VSIG10: variants seen among roughly 807,000 people sequenced by gnomAD.
VSIG10 encodes V-set and immunoglobulin domain-containing protein 10.
In VSIG10, 48 loss-of-function variants were observed where a neutral mutation model predicts 58.7. The observed-to-expected ratio is 0.82, with a 90% confidence interval of 0.65 to 1.04. The LOEUF is 1.04. VSIG10 is among the 50% of genes least tolerant of loss of function. VSIG10 has a pLI of 0.00. For synonymous variants in VSIG10, 260 were observed against 267.1 expected (o/e 0.97, Z 0.26); for missense variants, 628 against 670.0 (o/e 0.94, Z 0.69).
chr12:118,076,912 G>C (rs1020456671), intron 4 of VSIG10, among the ~76,000 whole-genome samples: 1 of 152,110 alleles, frequency 6.6e-6, no homozygotes, highest in African/African-American at 2.4e-5. Context: ...TCCTGCCTCT[G>C]ACTCCCAAAG....
chr12:118,098,812 AC>A (rs2033544055), intron 1 of VSIG10, among the ~76,000 whole-genome samples: 1 of 151,758 alleles, frequency 6.6e-6, no homozygotes, highest in Admixed American at 6.6e-5. Context: ...ATCAAGCCTC[AC>A]CCCAAAACAC....
intron 1 of VSIG10, chr12:118,102,682 C>G (rs1397056206): frequency 6.6e-6 from 1 of 152,062 alleles, no homozygotes; most frequent in South Asian, 2.1e-4. Flanking sequence ...ACTTTACAAC[C>G]CATCTCCAGA....
chr12:118,088,012 G>A (rs1402290084), intron 2 of VSIG10, among the ~76,000 whole-genome samples: 3 of 151,868 alleles, frequency 2.0e-5, no homozygotes, highest in Admixed American at 6.6e-5. Context: ...TTGGGAGGCC[G>A]AGGCGGGTGG....
intron 5 of VSIG10, among the ~76,000 whole-genome samples, chr12:118,072,334 G>A (rs377465475): frequency 1.3e-5 from 2 of 151,528 alleles, no homozygotes; most frequent in African/African-American, 4.9e-5. Context: ...GCACAGCGGC[G>A]GGCGCCTGCA....
intron 2 of VSIG10, among the ~76,000 whole-genome samples, chr12:118,093,797 T>C (rs985116115): frequency 5.3e-5 from 8 of 151,976 alleles, no homozygotes; most frequent in Non-Finnish European, 8.8e-5. Flanking sequence ...TAATCCCAGC[T>C]ACTTGGGAGG....
intron 4 of VSIG10, among the ~76,000 whole-genome samples, chr12:118,076,635 G>A (rs1002203184): frequency 6.6e-6 from 1 of 151,638 alleles, no homozygotes; most frequent in African/African-American, 2.4e-5. Context: ...TACCACATCT[G>A]ACTGATCCTG....
rs1347817803 is a variant in VSIG10, at chr12:118,103,733, G to C, written c.-62C>G. On this transcript the variant is annotated 5_prime_UTR_variant, in exon 1 of 9. Transcript: ENST00000359236. ...GGCTGGGCTGGACGTGTGTGCCCCA[G>C]GGCCCCGGGGCCCGGGGTACCGAGG... 6 of 1,373,344 alleles carry C rather than the reference G, an allele frequency of 4.4e-6. No homozygotes were observed. The highest frequency in any genetic ancestry group is 5.6e-6 in the Non-Finnish European group (6 of 1,066,470). 85.1% of individuals were successfully genotyped at this position (1,373,344 alleles called of 1,614,324 possible).
At chr12:118,096,185 G>A (rs1298220258) in intron 1 of VSIG10, among the ~76,000 whole-genome samples, 1 of 152,060 alleles carries the variant, frequency 6.6e-6, no homozygotes, top group Non-Finnish European at 1.5e-5. Flanking sequence ...GCTCATGCCT[G>A]TAATCCTGGC....
At chr12:118,086,056 G>C (rs2033115775) in intron 2 of VSIG10, among the ~76,000 whole-genome samples, 2 of 152,026 alleles carry the variant, frequency 1.3e-5, no homozygotes. Flanking sequence ...CTACTTGGGA[G>C]GCGAGGCAGG....
At chr12:118,094,518 G>T (rs1159356066) in intron 2 of VSIG10, among the ~76,000 whole-genome samples, 1 of 151,828 alleles carries the variant, frequency 6.6e-6, no homozygotes, top group Non-Finnish European at 1.5e-5. Flanking sequence ...CGAGTAGCTG[G>T]TATTACAGGC....
At position 118,077,477 on chromosome 12, in the gene VSIG10, T is replaced by A. The variant is rs375368152; in HGVS notation, c.925+1869A>T. Among the ~76,000 whole-genome samples, 146 of 152,278 alleles carry A rather than the reference T, an allele frequency of 9.6e-4. 1 individual carries two copies. The highest frequency in any genetic ancestry group is 3.4e-3 in the Middle Eastern group (1 of 294). On this transcript the variant is annotated intron_variant, in intron 4 of 8. Transcript: ENST00000359236. ...ACTTTCTGTCTTCCTTCTACCCCCA[T>A]GCCACCCAGAATATAAGCTCTGTGA...
At position 118,093,718 on chromosome 12, in the gene VSIG10, G is replaced by A. The variant is rs563292468; in HGVS notation, c.361+1815C>T. ...GAGGTCAGGAGTTCAAGACCAGCCTGAGCAACATGGTGAAACCCCATCTCC... is the reference window on the plus strand; with the variant it reads ...GAGGTCAGGAGTTCAAGACCAGCCTAAGCAACATGGTGAAACCCCATCTCC... On this transcript the variant is annotated intron_variant, in intron 2 of 8. Coordinates refer to ENST00000359236, the MANE Select transcript of VSIG10 (RefSeq NM_019086.6). 6.6e-5 allele frequency among the ~76,000 whole-genome samples: 10 copies of A among 152,032 alleles called. No individual in the cohort carries two copies. In the East Asian group the frequency reaches 2.0e-3, roughly 30 times the overall value.
intron 1 of VSIG10, among the ~76,000 whole-genome samples, chr12:118,100,661 T>C (rs1592901597): frequency 6.6e-6 from 1 of 152,144 alleles, no homozygotes; most frequent in East Asian, 1.9e-4. Context: ...TCTGAGTAGC[T>C]GGGATTACAG....
Position 118,071,077 on chromosome 12 carries a change from G to C in VSIG10, c.1331-10C>G. ...CTGGAAGTGTTTCCTACTGAAGAGA[G>C]AAAGGAAAAACCATTAATATCCAGT... On this transcript the variant is annotated splice_polypyrimidine_tract_variant and intron_variant, in intron 6 of 8. Coordinates refer to ENST00000359236, the MANE Select transcript of VSIG10 (RefSeq NM_019086.6). 6.3e-7 allele frequency: 1 copy of C among 1,594,780 alleles called. No homozygotes were observed. The highest frequency in any genetic ancestry group is 8.5e-7 in the Non-Finnish European group (1 of 1,170,018).
At chr12:118,102,366 C>T (rs1779191549) in intron 1 of VSIG10, 1 of 152,292 alleles carries the variant, frequency 6.6e-6, no homozygotes, top group South Asian at 2.1e-4. Context: ...ACAGTGATTA[C>T]TCAGCCAAAT....
At chr12:118,087,043 G>A (rs567530669) in intron 2 of VSIG10, among the ~76,000 whole-genome samples, 3 of 150,644 alleles carry the variant, frequency 2.0e-5, no homozygotes, top group South Asian at 2.1e-4. Context: ...GATTACAGGC[G>A]TGAGCCACCA....
chr12:118,103,734 G>C lies in VSIG10; in HGVS notation c.-63C>G. 7.3e-7 allele frequency: 1 copy of C among 1,373,512 alleles called. No individual in the cohort carries two copies. The highest frequency in any genetic ancestry group is 1.5e-5 in the African/African-American group (1 of 65,322). 85.1% of individuals were successfully genotyped at this position (1,373,512 alleles called of 1,614,324 possible). On this transcript the variant is annotated 5_prime_UTR_variant, in exon 1 of 9. Coordinates refer to ENST00000359236, the MANE Select transcript of VSIG10 (RefSeq NM_019086.6). ...GCTGGGCTGGACGTGTGTGCCCCAG[G>C]GCCCCGGGGCCCGGGGTACCGAGGG...
At position 118,064,363 on chromosome 12, in the gene VSIG10, G is replaced by A. The variant is rs1344119984; in HGVS notation, c.*2276C>T. 1 of 151,752 alleles carries A rather than the reference G, an allele frequency of 6.6e-6. No homozygotes were observed. The highest frequency in any genetic ancestry group is 1.5e-5 in the Non-Finnish European group (1 of 68,004). The allele number at this position is 151,752 out of a possible 1,614,324, so 9.4% of individuals were successfully genotyped here. On this transcript the variant is annotated 3_prime_UTR_variant, in exon 9 of 9. Coordinates refer to ENST00000359236, the MANE Select transcript of VSIG10 (RefSeq NM_019086.6). ...TCAAATATTTCCTATCAACAGATGTGTGTGCTAGAGAAGAGGAAGTTGTGG... is the reference window on the plus strand; with the variant it reads ...TCAAATATTTCCTATCAACAGATGTATGTGCTAGAGAAGAGGAAGTTGTGG...
intron 1 of VSIG10, among the ~76,000 whole-genome samples, chr12:118,098,301 G>T (rs1488402933): frequency 1.9e-5 from 2 of 103,744 alleles, no homozygotes; most frequent in Admixed American, 2.2e-4. Flanking sequence ...CTCTCTCTCC[G>T]CCTCTCCCTC....
Sources: allele counts gnomAD v4.1 joint callset (sites outside exome capture counted in the v4.1 genomes callset), GRCh38; gene constraint gnomAD v4.1.1; transcripts MANE v1.5; gene names NCBI Gene and HGNC (gene_info 2026-07-23, HGNC 2026-07-21).